RBM48: variants seen among roughly 807,000 people sequenced by gnomAD.
The protein encoded by RBM48 is RNA binding motif protein 48.
A neutral mutation model predicts 34.8 loss-of-function variants in RBM48; 32 were observed. The ratio of observed to expected loss-of-function variants is 0.92; its 90% CI spans 0.69 to 1.23. The LOEUF (loss-of-function observed/expected upper bound fraction) is 1.23. Ranked by LOEUF, RBM48 falls within the 50% of genes most tolerant of loss-of-function variation. The pLI is 0.00. For synonymous variants in RBM48, 151 were observed against 156.2 expected, an observed-to-expected ratio of 0.97 and a Z score of 0.25; for missense variants, 441 against 447.2, an observed-to-expected ratio of 0.99 and a Z score of 0.12.
At chr7:92,535,067 C>G in intron 4 of RBM48, 97 bp downstream of exon 4, 1 of 1,513,170 alleles carries the variant, frequency 6.6e-7, no homozygotes, top group Non-Finnish European at 8.8e-7. Flanking sequence ...AATTTTTTTT[C>G]ACTTTTTAGT....
Position 92,529,363 on chromosome 7 carries a change from C to A in RBM48, c.112-113C>A, listed in dbSNP as rs190747959. 158 of 637,280 alleles carry A rather than the reference C, an allele frequency of 2.5e-4. No individual in the cohort carries two copies. The African/African-American group carries it at 2.7e-3, about 11-fold the overall frequency. The allele number at this position is 637,280 out of a possible 1,614,324, so 39.5% of individuals were successfully genotyped here. On this transcript the variant is annotated intron_variant, in intron 1 of 4. Coordinates refer to ENST00000265732, the MANE Select transcript of RBM48 (RefSeq NM_032120.4). ...ATTTCATTTTGTGTTCTTTTGCTGA[C>A]TGGGTTGAACAGATTATTTCTTGTT...
chr7:92,532,108 A>T (rs1156631979), intron 2 of RBM48, among the ~76,000 whole-genome samples: 1 of 152,212 alleles, frequency 6.6e-6, no homozygotes, highest in Non-Finnish European at 1.5e-5. Flanking sequence ...GAAAAGCTCC[A>T]TTTTATGACC....
chr7:92,534,449 G>C lies in RBM48; in HGVS notation c.496G>C (p.Glu166Gln). 1.2e-6 allele frequency: 2 copies of C among 1,613,924 alleles called. No homozygotes were observed. Among genetic ancestry groups the C allele is most frequent in the South Asian group, 1.1e-5 (1 of 91,068 alleles). ...KKLVTEHKDT[E>Q]DFRQDFHSEM... ...ATTGGTTACAGAGCATAAAGACACA[G>C]AGGATTTTAGACAAGACTTCCACTC... Residue 166 changes from glutamate to glutamine, a missense_variant, in exon 4 of 5, where the codon GAG becomes CAG. Physicochemically the swap from Glu to Gln is conservative, Grantham distance 29. Coordinates refer to ENST00000265732, the MANE Select transcript of RBM48 (RefSeq NM_032120.4).
chr7:92,535,086 G>A (rs778409494), intron 4 of RBM48, 116 bp downstream of exon 4: 15 of 1,496,972 alleles, frequency 1.0e-5, no homozygotes, highest in South Asian at 4.0e-5. Context: ...GTGTTTTGAT[G>A]TGTTTTTCTA....
chr7:92,528,819 G>C lies in RBM48; in HGVS notation c.6G>C (p.Ala2=), dbSNP rs751771502. The part of the protein sequence containing the change: M[A]SSGGELGSLF... ...CGAGGATCAAAGTAGGCAAGATGGC[G>C]TCGAGCGGCGGGGAGCTAGGGAGTT... The change falls in exon 1 of 5, where the codon GCG becomes GCC. Residue 2 remains alanine, a synonymous_variant. Coordinates refer to ENST00000265732, the MANE Select transcript of RBM48 (RefSeq NM_032120.4). 1 of 1,613,716 alleles carries C rather than the reference G, an allele frequency of 6.2e-7. No individual in the cohort carries two copies. The highest frequency in any genetic ancestry group is 1.7e-5 in the Admixed American group (1 of 59,992).
intron 2 of RBM48, among the ~76,000 whole-genome samples, chr7:92,530,687 C>G (rs1428551243): frequency 6.6e-6 from 1 of 151,918 alleles, no homozygotes. Flanking sequence ...TTAATCCCAG[C>G]TCCTGGGGAG....
Position 92,536,853 on chromosome 7 carries a change from A to T in RBM48, c.1020A>T (p.Val340=). 6.3e-7 allele frequency: 1 copy of T among 1,579,500 alleles called. No homozygotes were observed. The highest frequency in any genetic ancestry group is 8.6e-7 in the Non-Finnish European group (1 of 1,168,632). ...GGTTCTTTTTTTTTTTTAATTAGGT[A>T]ATTTCATCTGTGCCAAAGCCTCCAG... is the stretch of plus-strand genomic sequence containing the variant. ...ANLIRHKLKE[V]ISSVPKPPED... Residue 340 remains valine (V), a splice_region_variant and synonymous_variant, in exon 5 of 5, where the codon GTA becomes GTT. Transcript: ENST00000265732.
At chr7:92,535,835 C>A (rs529340067) in intron 4 of RBM48, 34 of 982,052 alleles carry the variant, frequency 3.5e-5, no homozygotes, top group Non-Finnish European at 4.1e-5. Flanking sequence ...TTGAAGCCTT[C>A]TTTAGCTTTT....
Position 92,534,588 on chromosome 7 carries a change from G to A in RBM48, c.635G>A (p.Cys212Tyr), listed in dbSNP as rs1200187460. The A allele has an allele frequency of 2.5e-6, 4 of 1,613,974 alleles. No individual in the cohort carries two copies. The Admixed American group carries it at 6.7e-5, about 27-fold the overall frequency. The change falls in exon 4 of 5, where the codon TGT (cysteine) becomes TAT (tyrosine). Residue 212 changes from cysteine to tyrosine, a missense_variant. Physicochemically the swap from Cys to Tyr is radical, Grantham distance 194. Coordinates refer to ENST00000265732, the MANE Select transcript of RBM48 (RefSeq NM_032120.4). ...PLCYFSSKCM[C>Y]SSGGPVDRAP... is the part of the protein sequence containing the mutation. ...TGTTATTTCTCCTCAAAATGTATGT[G>A]TTCATCCGGGGGACCTGTAGACAGA...
intron 2 of RBM48, among the ~76,000 whole-genome samples, chr7:92,531,558 C>T (rs1224514446): frequency 5.3e-5 from 8 of 152,218 alleles, no homozygotes; most frequent in Non-Finnish European, 8.8e-5. Context: ...GTGGTTTTCT[C>T]AGGCTGCTGT....
Position 92,534,999 on chromosome 7 carries a change from A to G in RBM48, c.1017+29A>G, listed in dbSNP as rs1793676315. The G allele has an allele frequency of 3.1e-6, 5 of 1,610,818 alleles. No individual in the cohort carries two copies. In the East Asian group the frequency reaches 1.1e-4, roughly 36 times the overall value. On this transcript the variant is annotated intron_variant, in intron 4 of 4. Coordinates refer to ENST00000265732, the MANE Select transcript of RBM48 (RefSeq NM_032120.4). ...AGGTTATTTTTAAAAAACTATTCTA[A>G]GACACGATTTGGTTATAGGATTAAA...
Position 92,534,957 on chromosome 7 carries a change from A to G in RBM48, c.1004A>G (p.His335Arg). 6.2e-7 allele frequency: 1 copy of G among 1,614,180 alleles called. No homozygotes were observed. Among genetic ancestry groups the G allele is most frequent in the Admixed American group, 1.7e-5 (1 of 60,014 alleles). The part of the protein sequence containing the change: ...SLNTTANLIR[H>R]KLKEVISSVP... Reference sequence around the variant, plus strand: ...AATACAACGGCGAATTTAATTCGGCATAAACTTAAAGAGGTAAGGTTATTT... The same window carrying G: ...AATACAACGGCGAATTTAATTCGGCGTAAACTTAAAGAGGTAAGGTTATTT... The change falls in exon 4 of 5, where the codon CAT (histidine) becomes CGT (arginine). Residue 335 changes from histidine to arginine, a missense_variant. By Grantham distance (29) the His-to-Arg change is conservative (BLOSUM62 0). Coordinates refer to ENST00000265732, the MANE Select transcript of RBM48 (RefSeq NM_032120.4).
chr7:92,539,884 CAT>C lies in RBM48; in HGVS notation c.*2948_*2949del, dbSNP rs1793821420. 1.3e-5 allele frequency among the ~76,000 whole-genome samples: 2 copies of C among 152,170 alleles called. No individual in the cohort carries two copies. Among genetic ancestry groups the C allele is most frequent in the South Asian group, 4.1e-4 (2 of 4,836 alleles). On this transcript the variant is annotated 3_prime_UTR_variant, in exon 5 of 5. Transcript: ENST00000265732. ...CTCTATGTCTCCAAAATTTTAAAAA[CAT>C]TGACAGCAATTGTATTGAAAGAGAT... is the stretch of plus-strand genomic sequence containing the variant.
intron 1 of RBM48, chr7:92,529,227 C>G: frequency 1.7e-6 from 1 of 573,104 alleles, no homozygotes; most frequent in Non-Finnish European, 3.1e-6. Flanking sequence ...TTCCCAGTGA[C>G]TTCTACCGAC....
At chr7:92,536,591 G>A (rs1192816376) in intron 4 of RBM48, 1 of 1,088,030 alleles carries the variant, frequency 9.2e-7, no homozygotes, top group Non-Finnish European at 1.1e-6. Context: ...GAATGTTAAA[G>A]TAGAGCATAT....
rs936729678 is a variant in RBM48 at position 92,539,926 on chromosome 7, G to A, written c.*2989G>A. Among the ~76,000 whole-genome samples, 2 of 152,212 alleles carry A rather than the reference G, an allele frequency of 1.3e-5. No homozygotes were observed. Among genetic ancestry groups the A allele is most frequent in the Admixed American group, 6.5e-5 (1 of 15,284 alleles). On this transcript the variant is annotated 3_prime_UTR_variant, in exon 5 of 5. Transcript: ENST00000265732. ...TTGAAAGAGATCAAGTGTTCTAGCA[G>A]TTTGTGGTGTACTTGCTGAAACTCT...
rs1167303517 is a variant in RBM48, at chr7:92,529,912, C to G, written c.302+246C>G. Among the ~76,000 whole-genome samples the G allele has an allele frequency of 2.0e-5, 3 of 152,188 alleles. No individual in the cohort carries two copies. Among genetic ancestry groups the G allele is most frequent in the Non-Finnish European group, 4.4e-5 (3 of 68,034 alleles). ...AGTTGGGTTTGGCCAGGCACGGTGG[C>G]TCACGCCTGCAATCCCAGCACTCTG... On this transcript the variant is annotated intron_variant, in intron 2 of 4. Transcript: ENST00000265732.
In RBM48 at chr7:92,539,409, A is replaced by T. The variant is rs777123405; in HGVS notation, c.*2472A>T. Among the ~76,000 whole-genome samples, 9 of 152,196 alleles carry T rather than the reference A, an allele frequency of 5.9e-5. No individual in the cohort carries two copies. The highest frequency in any genetic ancestry group is 1.2e-4 in the Non-Finnish European group (8 of 68,034). On this transcript the variant is annotated 3_prime_UTR_variant, in exon 5 of 5. Coordinates refer to ENST00000265732, the MANE Select transcript of RBM48 (RefSeq NM_032120.4). Reference sequence around the variant, plus strand: ...GCAAGCTAATTTACAAAATTTCCATATAGGTTATTATTTTGGGCACAGTGG... The same window carrying T: ...GCAAGCTAATTTACAAAATTTCCATTTAGGTTATTATTTTGGGCACAGTGG...
chr7:92,534,483 C>T lies in RBM48; in HGVS notation c.530C>T (p.Ser177Phe), dbSNP rs1793652557. Residue 177 changes from serine to phenylalanine, a missense_variant, in exon 4 of 5, where the codon TCT becomes TTT. Ser to Phe is a radical substitution (Grantham distance 155). Transcript: ENST00000265732. ...DFRQDFHSEM[S>F]GFCKAALNTS... The stretch of plus-strand genomic sequence containing the variant: ...AGACAAGACTTCCACTCAGAGATGT[C>T]TGGATTTTGTAAAGCTGCTTTGAAC... 2 of 1,614,114 alleles carry T rather than the reference C, an allele frequency of 1.2e-6. No homozygotes were observed. Among genetic ancestry groups the T allele is most frequent in the Non-Finnish European group, 1.7e-6 (2 of 1,179,996 alleles).
Sources: gnomAD v4.1 joint callset for allele counts (sites outside exome capture counted in the v4.1 genomes callset) on GRCh38, gnomAD v4.1.1 for gene constraint, MANE v1.5 for transcripts, NCBI Gene and HGNC (gene_info 2026-07-23, HGNC 2026-07-21) for gene names.